The following PDIK1L variants were observed in gnomAD, a reference collection of about 807,000 sequenced individuals.
The protein encoded by PDIK1L is PDLIM1 interacting kinase 1 like.
In PDIK1L, 9 loss-of-function variants were observed where a neutral mutation model predicts 27.1. That is an observed-to-expected ratio of 0.33 (90% CI 0.20 to 0.58). The LOEUF (loss-of-function observed/expected upper bound fraction) is 0.58, where lower values mean the gene tolerates loss of function less well. Among genes scored for constraint, PDIK1L ranks in the 20% least tolerant of loss-of-function variants. PDIK1L has a pLI of 0.86. For missense variants in PDIK1L, 216 were observed against 413.2 expected, an observed-to-expected ratio of 0.52 and a Z score of 4.14; for synonymous variants, 130 against 141.7, an observed-to-expected ratio of 0.92 and a Z score of 0.59.
chr1:26,121,102 A>G (rs2087979374), intron 2 of PDIK1L, among the ~76,000 whole-genome samples: 1 of 152,340 alleles, frequency 6.6e-6, no homozygotes, highest in South Asian at 2.1e-4. Flanking sequence ...TTCAGCTTGT[A>G]TGAAAGAAGA....
rs2088029671 is a variant in PDIK1L, at chr1:26,123,608, T to G, written c.*1031T>G. On this transcript the variant is annotated 3_prime_UTR_variant, in exon 3 of 3. Coordinates refer to ENST00000374269, the MANE Select transcript of PDIK1L (RefSeq NM_152835.5). Reference sequence around the variant, plus strand: ...CACCCTCACTTTGCCTGCCCTGATATGATCACTTGTTGAGTCACTGGAGTT... The same window carrying G: ...CACCCTCACTTTGCCTGCCCTGATAGGATCACTTGTTGAGTCACTGGAGTT... 1 of 152,652 alleles carries G rather than the reference T, an allele frequency of 6.6e-6. No individual in the cohort carries two copies. Among genetic ancestry groups the G allele is most frequent in the African/African-American group, 2.4e-5 (1 of 41,448 alleles). The allele number at this position is 152,652 out of a possible 1,614,324, so 9.5% of individuals were successfully genotyped here. A position where few individuals can be genotyped will look rare whatever the true frequency, so the allele number is the denominator to read the frequency against.
chr1:26,113,557 G>C (rs1332747261), intron 1 of PDIK1L, among the ~76,000 whole-genome samples: 1 of 148,440 alleles, frequency 6.7e-6, no homozygotes, highest in Non-Finnish European at 1.5e-5. Flanking sequence ...TTTCATTATT[G>C]TGTAAGAAAT....
In PDIK1L at chr1:26,123,886, A is replaced by C. The variant is rs1251741699; in HGVS notation, c.*1309A>C. ...TTCCTCTTGAAGTTAGTTTGATTTT[A>C]TCTTTGTATGGTTGTCTACAATTTG... On this transcript the variant is annotated 3_prime_UTR_variant, in exon 3 of 3. Coordinates refer to ENST00000374269, the MANE Select transcript of PDIK1L (RefSeq NM_152835.5). 1 of 152,632 alleles carries C rather than the reference A, an allele frequency of 6.6e-6. No homozygotes were observed. The highest frequency in any genetic ancestry group is 1.5e-5 in the Non-Finnish European group (1 of 68,018). 9.5% of individuals were successfully genotyped at this position (152,632 alleles called of 1,614,324 possible).
At chr1:26,112,376 G>C (rs1164740040) in intron 1 of PDIK1L, 1 of 152,290 alleles carries the variant, frequency 6.6e-6, no homozygotes, top group Non-Finnish European at 1.5e-5. Context: ...ACTTTCGGTC[G>C]AAAGTCACTT....
rs2088055842 is a variant in PDIK1L at position 26,125,111 on chromosome 1, G to A, written c.*2534G>A. The A allele has an allele frequency of 6.6e-6, 1 of 152,600 alleles. No homozygotes were observed. The highest frequency in any genetic ancestry group is 1.5e-5 in the Non-Finnish European group (1 of 68,014). 9.5% of individuals were successfully genotyped at this position (152,600 alleles called of 1,614,324 possible). A position where few individuals can be genotyped will look rare whatever the true frequency, so the allele number is the denominator to read the frequency against. On this transcript the variant is annotated 3_prime_UTR_variant, in exon 3 of 3. Transcript: ENST00000374269. Reference sequence around the variant, plus strand: ...GAGCTTATAGGCAGCTGTGGCCAGTGAAAATATGGGGTTGTACAGTTAGTT... The same window carrying A: ...GAGCTTATAGGCAGCTGTGGCCAGTAAAAATATGGGGTTGTACAGTTAGTT...
chr1:26,114,688 A>T lies in PDIK1L; in HGVS notation c.285+95A>T. On this transcript the variant is annotated intron_variant, in intron 2 of 2. Coordinates refer to ENST00000374269, the MANE Select transcript of PDIK1L (RefSeq NM_152835.5). This position sits in a 1 kb window ranked among gnomAD's most constrained non-coding sequence, Gnocchi z 4.8. The stretch of plus-strand genomic sequence containing the variant: ...GGGTCAGACGAACGTTTCCCTTTAA[A>T]TGCAGGTGTTTGTAGTTAGAAGTAG... 1 of 1,353,068 alleles carries T rather than the reference A, an allele frequency of 7.4e-7. No individual in the cohort carries two copies. Among genetic ancestry groups the T allele is most frequent in the Non-Finnish European group, 1.0e-6 (1 of 983,790 alleles). 83.8% of individuals were successfully genotyped at this position (1,353,068 alleles called of 1,614,324 possible).
intron 2 of PDIK1L, among the ~76,000 whole-genome samples, chr1:26,119,000 C>A (rs2087926801): frequency 6.6e-6 from 1 of 152,186 alleles, no homozygotes; most frequent in South Asian, 2.1e-4. Flanking sequence ...ACAGAGGTTA[C>A]AATCTCATGC....
chr1:26,118,938 A>T (rs1267026669), intron 2 of PDIK1L, among the ~76,000 whole-genome samples: 1 of 152,214 alleles, frequency 6.6e-6, no homozygotes, highest in African/African-American at 2.4e-5. Context: ...GAATCATTGA[A>T]TCAGTTCCTG....
rs1195573028 is a variant in PDIK1L, at chr1:26,114,746, G to A, written c.285+153G>A. Among the ~76,000 whole-genome samples the A allele has an allele frequency of 6.6e-6, 1 of 152,170 alleles. No individual in the cohort carries two copies. Among genetic ancestry groups the A allele is most frequent in the Non-Finnish European group, 1.5e-5 (1 of 68,022 alleles). Reference sequence around the variant, plus strand: ...TCTGCCAAGAATTGAGTAGATGTTTGCTTTAAAACAAGGTTTTATTTAAAC... The same window carrying A: ...TCTGCCAAGAATTGAGTAGATGTTTACTTTAAAACAAGGTTTTATTTAAAC... On this transcript the variant is annotated intron_variant, in intron 2 of 2. Coordinates refer to ENST00000374269, the MANE Select transcript of PDIK1L (RefSeq NM_152835.5). This position sits in a 1 kb window ranked among gnomAD's most constrained non-coding sequence, Gnocchi z 4.8.
rs551292538 is a variant in PDIK1L at position 26,125,332 on chromosome 1, A to G, written c.*2755A>G. On this transcript the variant is annotated 3_prime_UTR_variant, in exon 3 of 3. Coordinates refer to ENST00000374269, the MANE Select transcript of PDIK1L (RefSeq NM_152835.5). ...TTTTAATTGTAAATTGTTATCAATCAAACTATTGTAGCAGCTACAAAGTAA... is the reference window on the plus strand; with the variant it reads ...TTTTAATTGTAAATTGTTATCAATCGAACTATTGTAGCAGCTACAAAGTAA... The G allele has an allele frequency of 6.5e-6, 1 of 152,770 alleles. No homozygotes were observed. The highest frequency in any genetic ancestry group is 1.5e-5 in the Non-Finnish European group (1 of 68,016). 9.5% of individuals were successfully genotyped at this position (152,770 alleles called of 1,614,324 possible). A position where few individuals can be genotyped will look rare whatever the true frequency, so the allele number is the denominator to read the frequency against.
chr1:26,114,322 A>C lies in PDIK1L; in HGVS notation c.14A>C (p.Gln5Pro), dbSNP rs762167044. The C allele has an allele frequency of 4.4e-6, 7 of 1,608,636 alleles. No homozygotes were observed. In the African/African-American group the frequency reaches 9.4e-5, roughly 21 times the overall value. The change falls in exon 2 of 3, where the codon CAG becomes CCG. Residue 5 changes from glutamine to proline, a missense_variant. Around this residue, in one of 2 missense-constraint regions of PDIK1L, gnomAD observed 47 missense variants for 47.2 expected, o/e 1.00. Coordinates refer to ENST00000374269, the MANE Select transcript of PDIK1L (RefSeq NM_152835.5). The surrounding 1 kb of genome is among the most constrained non-coding windows in gnomAD (Gnocchi z 4.8). Reference sequence around the variant, plus strand: ...TCGACCTTGAAGATGGTGAGTAGCCAGCCAAAGTACGATCTAATACGGGAG... The same window carrying C: ...TCGACCTTGAAGATGGTGAGTAGCCCGCCAAAGTACGATCTAATACGGGAG... The part of the protein sequence containing the change: MVSS[Q>P]PKYDLIREVG...
At chr1:26,120,211 T>C (rs1271137387) in intron 2 of PDIK1L, among the ~76,000 whole-genome samples, 1 of 152,244 alleles carries the variant, frequency 6.6e-6, no homozygotes, top group African/African-American at 2.4e-5. Flanking sequence ...AGAGACCTTA[T>C]GTGGCTGTCA....
rs1264482467 is a variant in PDIK1L at position 26,121,711 on chromosome 1, A to C, written c.286-126A>C. The C allele has an allele frequency of 3.9e-6, 4 of 1,014,942 alleles. No homozygotes were observed. In the East Asian group the frequency reaches 1.1e-4, roughly 27 times the overall value. 62.9% of individuals were successfully genotyped at this position (1,014,942 alleles called of 1,614,324 possible). ...AATGCATATTTGAAAGCACTGATTA[A>C]ATAAAATATTTATAGAGTTTCCACT... On this transcript the variant is annotated intron_variant, in intron 2 of 2. Transcript: ENST00000374269.
Position 26,121,855 on chromosome 1 carries a change from A to T in PDIK1L, c.304A>T (p.Lys102Ter). The T allele has an allele frequency of 6.2e-7, 1 of 1,609,328 alleles. No individual in the cohort carries two copies. The highest frequency in any genetic ancestry group is 8.5e-7 in the Non-Finnish European group (1 of 1,178,076). The change falls in exon 3 of 3, where the codon AAA becomes TAA. Residue 102 changes from lysine (K) to a stop codon, truncating the protein, a stop_gained. Coordinates refer to ENST00000374269, the MANE Select transcript of PDIK1L (RefSeq NM_152835.5). LOFTEE classifies it high-confidence loss of function. ...CTTGTAGCTTGTAGAAACTTCATTA[A>T]AAGGAGAAATTGCCTTTGATCCCAG... The part of the protein sequence containing the change: ...LYLQLVETSL[K>*]GEIAFDPRSA...
At chr1:26,112,292 G>A (rs2087810471) in intron 1 of PDIK1L, among the ~76,000 whole-genome samples, 1 of 152,226 alleles carries the variant, frequency 6.6e-6, no homozygotes, top group Non-Finnish European at 1.5e-5. Context: ...GCCCTTCCCG[G>A]GCGCCGGCAG....
At chr1:26,120,666 A>G (rs566496533) in intron 2 of PDIK1L, among the ~76,000 whole-genome samples, 29 of 152,336 alleles carry the variant, frequency 1.9e-4, no homozygotes, top group Non-Finnish European at 3.2e-4. Flanking sequence ...AAAAGACAAT[A>G]TACGGGGCCG....
Position 26,122,526 on chromosome 1 carries a change from A to G in PDIK1L, c.975A>G (p.Leu325=). ...AGGATCGTCCAGATGCTTTTGAACT[A>G]GAACTCAGATTAGTACAAATTGCAT... ...NPQDRPDAFE[L]ELRLVQIAFK... Residue 325 remains leucine, a synonymous_variant, in exon 3 of 3, where the codon CTA becomes CTG. Coordinates refer to ENST00000374269, the MANE Select transcript of PDIK1L (RefSeq NM_152835.5). The surrounding 1 kb of genome is among the most constrained non-coding windows in gnomAD (Gnocchi z 5.4). 6.2e-7 allele frequency: 1 copy of G among 1,613,798 alleles called. No individual in the cohort carries two copies. Among genetic ancestry groups the G allele is most frequent in the Non-Finnish European group, 8.5e-7 (1 of 1,179,910 alleles).
chr1:26,119,208 G>C (rs899758339), intron 2 of PDIK1L, among the ~76,000 whole-genome samples: 3 of 151,988 alleles, frequency 2.0e-5, no homozygotes, highest in Non-Finnish European at 4.4e-5. Context: ...AGAAGTTCAA[G>C]ATTAGCCTGG....
chr1:26,121,212 A>G (rs535981642), intron 2 of PDIK1L, among the ~76,000 whole-genome samples: 1 of 152,322 alleles, frequency 6.6e-6, no homozygotes, highest in South Asian at 2.1e-4. Context: ...ATTTTTATAA[A>G]TTGGTTTTTA....
Sources: allele counts gnomAD v4.1 joint callset (sites outside exome capture counted in the v4.1 genomes callset), GRCh38; gene constraint gnomAD v4.1.1; regional missense constraint gnomAD v4.1.1; non-coding constraint Gnocchi (gnomAD v3.1); transcripts MANE v1.5; gene names NCBI Gene and HGNC (gene_info 2026-07-23, HGNC 2026-07-21).